The following FAM240B variants were observed in gnomAD, a reference collection of about 807,000 sequenced individuals.
FAM240B encodes protein FAM240B.
At chr9:38,699,418 G>A (rs755589658) in intron 2 of FAM240B, among the ~76,000 whole-genome samples, 2 of 152,216 alleles carry the variant, frequency 1.3e-5, no homozygotes, top group Non-Finnish European at 2.9e-5. Context: ...GGAGGAAACT[G>A]AAGCAGTCAA....
chr9:38,695,112 C>T (rs148270798), intron 2 of FAM240B, among the ~76,000 whole-genome samples: 2 of 152,242 alleles, frequency 1.3e-5, no homozygotes, highest in Admixed American at 6.5e-5. Flanking sequence ...CTAATGCATG[C>T]GGGGCTTAAA....
At chr9:38,695,663 G>A (rs937861732) in intron 2 of FAM240B, among the ~76,000 whole-genome samples, 3 of 152,182 alleles carry the variant, frequency 2.0e-5, no homozygotes, top group Non-Finnish European at 4.4e-5. Flanking sequence ...TCCATGTAAT[G>A]CCAATCAAAA....
chr9:38,716,661 A>C (rs1017246886), intron 1 of FAM240B, among the ~76,000 whole-genome samples: 7 of 152,174 alleles, frequency 4.6e-5, no homozygotes, highest in South Asian at 4.1e-4. Context: ...AAGGTGGCTA[A>C]AATACAAAAA....
intron 1 of FAM240B, among the ~76,000 whole-genome samples, chr9:38,704,741 G>A (rs1264459491): frequency 2.6e-5 from 4 of 152,220 alleles, no homozygotes; most frequent in East Asian, 1.9e-4. Context: ...TCGAGGACCC[G>A]ATGTGGGCCG....
At chr9:38,717,387 T>C (rs976574890) in intron 1 of FAM240B, among the ~76,000 whole-genome samples, 1 of 151,996 alleles carries the variant, frequency 6.6e-6, no homozygotes, top group Non-Finnish European at 1.5e-5. Context: ...GAGACCATCC[T>C]GGCCAACAGG....
At chr9:38,696,109 A>G (rs552469395) in intron 2 of FAM240B, among the ~76,000 whole-genome samples, 39 of 152,322 alleles carry the variant, frequency 2.6e-4, no homozygotes, top group African/African-American at 9.1e-4. Context: ...TGGGCCCGGG[A>G]AAGAATGGGA....
chr9:38,707,072 A>G (rs1020886346), intron 1 of FAM240B, among the ~76,000 whole-genome samples: 13 of 152,230 alleles, frequency 8.5e-5, no homozygotes, highest in African/African-American at 2.7e-4. Context: ...CAATGTAAGT[A>G]TGCAGAAGGT....
At chr9:38,709,520 C>T (rs149490837) in intron 1 of FAM240B, among the ~76,000 whole-genome samples, 6 of 152,198 alleles carry the variant, frequency 3.9e-5, no homozygotes, top group South Asian at 2.1e-4. Flanking sequence ...CAGGCAGAGA[C>T]AATCATTAGC....
rs569704725 is a variant in FAM240B at position 38,718,525 on chromosome 9, T to C, written c.-4+1497A>G. Among the ~76,000 whole-genome samples the C allele has an allele frequency of 7.9e-5, 12 of 152,306 alleles. No homozygotes were observed. The South Asian group carries it at 1.9e-3, about 24-fold the overall frequency. On this transcript the variant is annotated intron_variant, in intron 1 of 2. Transcript: ENST00000637493. ...GAGAACATATCTGAATGGACCACCT[T>C]AAGACAGACCCTGGAAAACAATTGG...
At chr9:38,718,826 T>A (rs1407238262) in intron 1 of FAM240B, among the ~76,000 whole-genome samples, 1 of 152,202 alleles carries the variant, frequency 6.6e-6, no homozygotes, top group Non-Finnish European at 1.5e-5. Flanking sequence ...TTCTCCTATT[T>A]GCTTTGAATG....
intron 2 of FAM240B, among the ~76,000 whole-genome samples, chr9:38,696,844 C>T (rs951045040): frequency 6.6e-6 from 1 of 152,118 alleles, no homozygotes; most frequent in Non-Finnish European, 1.5e-5. Context: ...ATTTATTGAG[C>T]TTATATGACC....
chr9:38,703,411 G>A (rs924602417), intron 2 of FAM240B, among the ~76,000 whole-genome samples: 4 of 152,188 alleles, frequency 2.6e-5, no homozygotes, highest in Non-Finnish European at 5.9e-5. Flanking sequence ...CTGGGGCCAG[G>A]AACCAGGCAA....
At chr9:38,708,817 C>T (rs371542524) in intron 1 of FAM240B, among the ~76,000 whole-genome samples, 20 of 152,266 alleles carry the variant, frequency 1.3e-4, no homozygotes, top group East Asian at 5.8e-4. Context: ...TTAGTTTATA[C>T]GTGATATCAA....
chr9:38,713,683 T>A (rs528122969), intron 1 of FAM240B, among the ~76,000 whole-genome samples: 6 of 151,906 alleles, frequency 3.9e-5, no homozygotes, highest in Non-Finnish European at 7.4e-5. Context: ...TCTTGGGAGG[T>A]AGCCACTGAA....
chr9:38,709,051 G>T (rs1354085794), intron 1 of FAM240B, among the ~76,000 whole-genome samples: 1 of 151,948 alleles, frequency 6.6e-6, no homozygotes. Flanking sequence ...CTGTGGTCAG[G>T]CCCTATAATC....
rs905597943 is a variant in FAM240B at position 38,696,245 on chromosome 9, G to A, written c.144-1376C>T. Among the ~76,000 whole-genome samples, 4 of 152,054 alleles carry A rather than the reference G, an allele frequency of 2.6e-5. No homozygotes were observed. In the South Asian group the frequency reaches 8.3e-4, roughly 32 times the overall value. On this transcript the variant is annotated intron_variant, in intron 2 of 2. Coordinates refer to ENST00000637493, the MANE Select transcript of FAM240B (RefSeq NM_001394922.1). ...TTCATCTTTCATTCTTATAAATAAC[G>A]CCACAACGAGTATAATACTTAATAC...
intron 1 of FAM240B, among the ~76,000 whole-genome samples, chr9:38,710,966 C>T (rs1821248320): frequency 6.6e-6 from 1 of 152,160 alleles, no homozygotes; most frequent in Non-Finnish European, 1.5e-5. Context: ...CCCGTGTCAT[C>T]ACCAGCAAAC....
intron 1 of FAM240B, among the ~76,000 whole-genome samples, chr9:38,719,743 T>C (rs1821350238): frequency 6.6e-6 from 1 of 152,214 alleles, no homozygotes; most frequent in African/African-American, 2.4e-5. Flanking sequence ...CCTTGCTCTG[T>C]GAGATTTACC....
intron 1 of FAM240B, among the ~76,000 whole-genome samples, chr9:38,714,240 G>C (rs762990810): frequency 6.6e-6 from 1 of 152,230 alleles, no homozygotes; most frequent in Non-Finnish European, 1.5e-5. Context: ...CAGTGAATAA[G>C]TGTAGAAAGA....
Sources: allele counts gnomAD v4.1 joint callset (sites outside exome capture counted in the v4.1 genomes callset), GRCh38; gene constraint gnomAD v4.1.1; transcripts MANE v1.5; gene names NCBI Gene and HGNC (gene_info 2026-07-23, HGNC 2026-07-21).